The following CDK14 variants were observed in gnomAD, a reference collection of about 807,000 sequenced individuals.
The protein encoded by CDK14 is cyclin dependent kinase 14.
Under a neutral mutation model 60.7 loss-of-function variants are expected in CDK14, and 34 were observed. The observed-to-expected ratio is 0.56, with a 90% CI of 0.43 to 0.75. The LOEUF (loss-of-function observed/expected upper bound fraction) is 0.75, where lower values mean the gene tolerates loss of function less well. Ranked by LOEUF, CDK14 falls within the 30% of genes least tolerant of loss-of-function variation. The pLI is 0.00. For synonymous variants in CDK14, 197 were observed against 203.7 expected, an observed-to-expected ratio of 0.97 and a Z score of 0.28; for missense variants, 482 against 564.1, an observed-to-expected ratio of 0.85 and a Z score of 1.47.
At chr7:90,630,888 A>ATGTGTGTGTGTGTGTGTGTGTGTG (rs55859300) in intron 2 of CDK14, among the ~76,000 whole-genome samples, 4 of 148,364 alleles carry the variant, frequency 2.7e-5, no homozygotes, top group East Asian at 2.0e-4. Flanking sequence ...TGGGGTGTGT[A>ATGTGTGTGTGTGTGTGTGTGTGTG]TGTGTGTGTG....
intron 3 of CDK14, among the ~76,000 whole-genome samples, 157 bp from the exon 4 acceptor site, chr7:90,747,524 C>A (rs1803642771): frequency 6.6e-6 from 1 of 151,944 alleles, no homozygotes; most frequent in South Asian, 2.1e-4. Flanking sequence ...GTTTTGTATC[C>A]TGTTTATTAT....
chr7:90,716,234 C>T (rs1379749447), intron 2 of CDK14: 1 of 151,872 alleles, frequency 6.6e-6, no homozygotes, highest in African/African-American at 2.4e-5. Context: ...TTCAGTTATG[C>T]CATTTGGGCC....
At chr7:90,876,036 T>G (rs1295788003) in intron 6 of CDK14, among the ~76,000 whole-genome samples, 1 of 152,196 alleles carries the variant, frequency 6.6e-6, no homozygotes, top group Non-Finnish European at 1.5e-5. Context: ...ATTTTTTTCT[T>G]TTAGTTTGTT....
intron 11 of CDK14, among the ~76,000 whole-genome samples, chr7:91,072,017 T>G (rs974688311): frequency 6.6e-6 from 1 of 152,180 alleles, no homozygotes; most frequent in Non-Finnish European, 1.5e-5. Context: ...CTCTGATCTC[T>G]CTGGGCCTGA....
chr7:91,142,580 T>G (rs1179360618), intron 14 of CDK14, among the ~76,000 whole-genome samples: 1 of 152,248 alleles, frequency 6.6e-6, no homozygotes, highest in East Asian at 1.9e-4. Context: ...CAAGTTGCCT[T>G]CTTGGCCCTT....
intron 8 of CDK14, among the ~76,000 whole-genome samples, chr7:90,944,775 G>T (rs1195253971): frequency 2.6e-5 from 4 of 152,092 alleles, no homozygotes; most frequent in Admixed American, 2.6e-4. Context: ...AAATTGGTCT[G>T]CCCCACCTGT....
chr7:90,800,118 C>A (rs1223350987), intron 5 of CDK14, among the ~76,000 whole-genome samples: 1 of 152,096 alleles, frequency 6.6e-6, no homozygotes, highest in Admixed American at 6.6e-5. Flanking sequence ...TGAGTATTCC[C>A]ATGTGCTTTA....
At chr7:90,994,118 A>G (rs1322164125) in intron 10 of CDK14, among the ~76,000 whole-genome samples, 1 of 152,076 alleles carries the variant, frequency 6.6e-6, no homozygotes, top group Non-Finnish European at 1.5e-5. Context: ...TCATTTTTAA[A>G]TTTTCTTTTA....
At chr7:91,096,997 T>C (rs190178551) in intron 12 of CDK14, among the ~76,000 whole-genome samples, 216 of 152,322 alleles carry the variant, frequency 1.4e-3, no homozygotes, top group African/African-American at 5.0e-3. Flanking sequence ...AAAAATTTTT[T>C]CTTTTCACAA....
chr7:90,786,887 C>T (rs926524555), intron 4 of CDK14, among the ~76,000 whole-genome samples: 2 of 136,692 alleles, frequency 1.5e-5, no homozygotes, highest in African/African-American at 5.6e-5. Context: ...GATCATGCCA[C>T]TGCACTTCAG....
At chr7:90,665,899 A>C (rs538039349) in intron 2 of CDK14, among the ~76,000 whole-genome samples, 16 of 152,354 alleles carry the variant, frequency 1.1e-4, no homozygotes, top group African/African-American at 3.8e-4. Flanking sequence ...CGATAAAATC[A>C]TCATGCTTCA....
chr7:90,790,517 T>C, intron 4 of CDK14, 56 bp from the exon 5 acceptor site: 1 of 1,136,304 alleles, frequency 8.8e-7, no homozygotes, highest in Admixed American at 2.1e-5. Context: ...GGAAGACAAT[T>C]AGAACTATAA....
intron 10 of CDK14, among the ~76,000 whole-genome samples, chr7:90,999,520 C>G (rs987327752): frequency 1.3e-5 from 2 of 151,738 alleles, no homozygotes; most frequent in Non-Finnish European, 2.9e-5. Flanking sequence ...ACCTGGGAGG[C>G]GGAGGTTGCA....
intron 11 of CDK14, among the ~76,000 whole-genome samples, chr7:91,063,543 A>G (rs1797873037): frequency 6.6e-6 from 1 of 152,236 alleles, no homozygotes; most frequent in Admixed American, 6.5e-5. Flanking sequence ...ACAGATGCTC[A>G]TGCCTTTAGA....
At chr7:90,835,383 A>G (rs533502586) in intron 5 of CDK14, among the ~76,000 whole-genome samples, 2 of 152,266 alleles carry the variant, frequency 1.3e-5, no homozygotes, top group South Asian at 4.1e-4. Context: ...ATGTCCTAGC[A>G]GAAAGAGAGG....
intron 14 of CDK14, among the ~76,000 whole-genome samples, chr7:91,203,052 A>G (rs1476334896): frequency 1.3e-5 from 2 of 152,180 alleles, no homozygotes; most frequent in African/African-American, 4.8e-5. Flanking sequence ...TGGTGACAAC[A>G]TAGTTTATTG....
intron 14 of CDK14, among the ~76,000 whole-genome samples, chr7:91,153,019 T>C (rs1800868970): frequency 6.6e-6 from 1 of 152,030 alleles, no homozygotes; most frequent in Admixed American, 6.6e-5. Context: ...TCTGTTTCAG[T>C]GAGGGGTTAG....
chr7:90,892,872 G>C (rs570559058), intron 6 of CDK14, among the ~76,000 whole-genome samples: 1 of 152,186 alleles, frequency 6.6e-6, no homozygotes, highest in Non-Finnish European at 1.5e-5. Flanking sequence ...TCTGACTGCT[G>C]GGTTCAAGCA....
intron 11 of CDK14, among the ~76,000 whole-genome samples, chr7:91,059,177 C>T (rs922847822): frequency 6.6e-6 from 1 of 152,178 alleles, no homozygotes; most frequent in Non-Finnish European, 1.5e-5. Flanking sequence ...TCTAGATTTT[C>T]TAATTTATTT....
Sources: gnomAD v4.1 joint callset for allele counts (sites outside exome capture counted in the v4.1 genomes callset) on GRCh38, gnomAD v4.1.1 for gene constraint, MANE v1.5 for transcripts, NCBI Gene and HGNC (gene_info 2026-07-23, HGNC 2026-07-21) for gene names.